Variants in MATK observed in about 807,000 individuals in gnomAD.
MATK encodes the protein megakaryocyte-associated tyrosine kinase.
Under a neutral mutation model 59.8 loss-of-function variants are expected in MATK, and 41 were observed. The ratio of observed to expected loss-of-function variants is 0.69; its 90% CI spans 0.53 to 0.89. The LOEUF (loss-of-function observed/expected upper bound fraction) is 0.89. MATK is among the 40% of genes least tolerant of loss of function. MATK has a pLI of 0.00. For missense variants in MATK, 593 were observed against 719.6 expected (o/e 0.82, Z 2.01); for synonymous variants, 308 against 306.1 (o/e 1.01, Z -0.06).
At chr19:3,790,168 G>A (rs1293928229), upstream of MATK, among the ~76,000 whole-genome samples, 4 of 152,192 alleles carry the variant, frequency 2.6e-5, no homozygotes, top group Admixed American at 2.6e-4. Flanking sequence ...GAATCACAAA[G>A]ACTCTAGGGC....
At chr19:3,789,881 C>T (rs190726128), upstream of MATK, among the ~76,000 whole-genome samples, 18 of 149,602 alleles carry the variant, frequency 1.2e-4, no homozygotes, top group Admixed American at 7.3e-4. Context: ...CGTGCCACCA[C>T]GCCCTGCTAA....
At position 3,779,363 on chromosome 19, in the gene MATK, G is replaced by A. The variant is rs200915721; in HGVS notation, c.1001+15C>T. On this transcript the variant is annotated intron_variant, in intron 11 of 13. Transcript: ENST00000310132. ...GACGACCCCAGTGCCGCAGCACCCTGAGAGTCCCACTTACAGAGAAAACTG... is the reference window on the plus strand; with the variant it reads ...GACGACCCCAGTGCCGCAGCACCCTAAGAGTCCCACTTACAGAGAAAACTG... 4.5e-5 allele frequency: 73 copies of A among 1,612,752 alleles called. No homozygotes were observed. In the East Asian group the frequency reaches 5.6e-4, roughly 12 times the overall value.
intron 1 of MATK, among the ~76,000 whole-genome samples, chr19:3,791,987 A>G (rs1229550198): frequency 6.6e-6 from 1 of 152,090 alleles, no homozygotes; most frequent in Non-Finnish European, 1.5e-5. Context: ...GGGTGCCTAT[A>G]ATCCCAAGTA....
intron 6 of MATK, 81 bp downstream of exon 6, chr19:3,783,733 T>C: frequency 7.4e-7 from 1 of 1,348,538 alleles, no homozygotes; most frequent in South Asian, 1.3e-5. Context: ...GACCCGCCCC[T>C]CTATCTCTAC....
chr19:3,778,836 A>AG (rs1262626692), intron 12 of MATK, among the ~76,000 whole-genome samples, 156 bp downstream of exon 12: 1 of 152,164 alleles, frequency 6.6e-6, no homozygotes, highest in Admixed American at 6.5e-5. Flanking sequence ...TGAGGCCCAG[A>AG]GGGGGGCTAC....
At chr19:3,790,404 G>A (rs2037529543), upstream of MATK, among the ~76,000 whole-genome samples, 1 of 152,210 alleles carries the variant, frequency 6.6e-6, no homozygotes, top group Admixed American at 6.5e-5. Context: ...GCTGGTGACA[G>A]AGCAGTCCCC....
Position 3,779,029 on chromosome 19 carries a change from G to T in MATK, c.1160C>A (p.Pro387His). The T allele has an allele frequency of 6.3e-7, 1 of 1,585,120 alleles. No individual in the cohort carries two copies. The stretch of plus-strand genomic sequence containing the variant: ...AGCCTCGGGCGCCGTCCACTTGACG[G>T]GCAGCCGGCTTGAGTCTAGCCCCTT... ...ERKGLDSSRL[P>H]VKWTAPEALK... The change falls in exon 12 of 14, where the codon CCC (proline) becomes CAC (histidine). Residue 387 changes from proline (P) to histidine (H), a missense_variant. Coordinates refer to ENST00000310132, the MANE Select transcript of MATK (RefSeq NM_139355.3).
Position 3,786,344 on chromosome 19 carries a change from C to T in MATK, c.-327G>A. 3.0e-6 allele frequency: 3 copies of T among 983,962 alleles called. No homozygotes were observed. Among genetic ancestry groups the T allele is most frequent in the Non-Finnish European group, 3.6e-6 (3 of 829,378 alleles). 61.0% of individuals were successfully genotyped at this position (983,962 alleles called of 1,614,324 possible). ...TGGGGGAAAGCGGGAGGCGCCGCGG[C>T]CTGGGAGGCCCCCGCGGGTCCTAGC... On this transcript the variant is annotated 5_prime_UTR_variant, in exon 1 of 14. Coordinates refer to ENST00000310132, the MANE Select transcript of MATK (RefSeq NM_139355.3). This position sits in a 1 kb window ranked among gnomAD's most constrained non-coding sequence, Gnocchi z 4.1.
chr19:3,799,261 A>G (rs574146792), intron 1 of MATK, among the ~76,000 whole-genome samples: 1 of 152,184 alleles, frequency 6.6e-6, no homozygotes, highest in South Asian at 2.1e-4. Context: ...GTTTGACCCC[A>G]ATTTTATGGA....
chr19:3,798,874 T>C (rs1359697657), intron 1 of MATK, among the ~76,000 whole-genome samples: 1 of 148,670 alleles, frequency 6.7e-6, no homozygotes, highest in Non-Finnish European at 1.5e-5. Context: ...GGCGTGATCA[T>C]AGGTCACTGC....
At chr19:3,780,983 C>T (rs1019871041) in intron 8 of MATK, among the ~76,000 whole-genome samples, 8 of 152,006 alleles carry the variant, frequency 5.3e-5, no homozygotes, top group Non-Finnish European at 7.4e-5. Flanking sequence ...CCTGCCCCGA[C>T]CTACCAAAGT....
chr19:3,799,418 G>A (rs906748192), intron 1 of MATK, among the ~76,000 whole-genome samples: 1 of 152,232 alleles, frequency 6.6e-6, no homozygotes, highest in Non-Finnish European at 1.5e-5. Flanking sequence ...GGCAGTGAGT[G>A]TTTGCTGATT....
intron 3 of MATK, 42 bp from the exon 4 acceptor site, chr19:3,784,493 G>A (rs748861685): frequency 1.9e-5 from 27 of 1,400,634 alleles, no homozygotes; most frequent in African/African-American, 1.3e-4. Flanking sequence ...AGGACATCAC[G>A]GAGATGTGGG....
At chr19:3,795,022 G>A (rs2037580922) in intron 1 of MATK, among the ~76,000 whole-genome samples, 2 of 131,454 alleles carry the variant, frequency 1.5e-5, no homozygotes, top group African/African-American at 6.0e-5. Context: ...CTGTTGCCCA[G>A]GCTGGAGTGC....
chr19:3,800,001 G>T lies in MATK; in HGVS notation c.-58+1531C>A, dbSNP rs529115919. On this transcript the variant is annotated intron_variant, in intron 1 of 13. Coordinates refer to the MATK transcript ENST00000395045. ...ACTAAAAATACAAAAAATTAGCTGGGTGTGGTTGCAGGCGCCTGTAGTCCC... is the reference window on the plus strand; with the variant it reads ...ACTAAAAATACAAAAAATTAGCTGGTTGTGGTTGCAGGCGCCTGTAGTCCC... 2.6e-5 allele frequency among the ~76,000 whole-genome samples: 4 copies of T among 152,066 alleles called. No homozygotes were observed. The South Asian group carries it at 8.3e-4, about 32-fold the overall frequency.
At chr19:3,791,737 T>C (rs1306490804) in intron 1 of MATK, among the ~76,000 whole-genome samples, 1 of 151,954 alleles carries the variant, frequency 6.6e-6, no homozygotes, top group Non-Finnish European at 1.5e-5. Context: ...GACCCCCCTC[T>C]GGCTGTCATA....
intron 7 of MATK, 28 bp from the exon 8 acceptor site, chr19:3,781,700 G>T: frequency 1.3e-6 from 2 of 1,591,384 alleles, no homozygotes; most frequent in Non-Finnish European, 1.7e-6. Context: ...AGTCAGAGGG[G>T]TAATGGGCCC....
At chr19:3,784,721 G>C (rs559668739) in intron 3 of MATK, 104 bp downstream of exon 3, 63 of 804,140 alleles carry the variant, frequency 7.8e-5, no homozygotes, top group Non-Finnish European at 9.9e-5. Flanking sequence ...CCAGCAGAAG[G>C]GGGTAGGGGG....
intron 1 of MATK, among the ~76,000 whole-genome samples, chr19:3,794,143 C>T (rs954088568): frequency 2.0e-5 from 3 of 152,186 alleles, no homozygotes; most frequent in East Asian, 1.9e-4. Flanking sequence ...CCTGGCCACC[C>T]CACAGTGGTC....
Sources: allele counts gnomAD v4.1 joint callset (sites outside exome capture counted in the v4.1 genomes callset), GRCh38; gene constraint gnomAD v4.1.1; non-coding constraint Gnocchi (gnomAD v3.1); transcripts MANE v1.5; gene names NCBI Gene and HGNC (gene_info 2026-07-23, HGNC 2026-07-21).